Variants in SYNE1 observed in about 807,000 individuals in gnomAD.
SYNE1 encodes nesprin-1.
In SYNE1, 616 loss-of-function variants were observed where a neutral mutation model predicts 1,111.0. The ratio of observed to expected loss-of-function variants is 0.55; its 90% CI spans 0.52 to 0.59. The LOEUF is 0.59. SYNE1 is among the 20% of genes least tolerant of loss of function. SYNE1 has a pLI of 0.00. For synonymous variants in SYNE1, 3,855 were observed against 3,825.8 expected (o/e 1.01, Z -0.28); for missense variants, 10,006 against 10,417.0 (o/e 0.96, Z 1.72).
chr6:152,445,290 T>A (rs2098572336), intron 29 of SYNE1, among the ~76,000 whole-genome samples: 1 of 152,092 alleles, frequency 6.6e-6, no homozygotes, highest in African/African-American at 2.4e-5. Flanking sequence ...AAAGAGTATT[T>A]GTTATAAATG....
chr6:152,229,162 C>T (rs749404747), intron 115 of SYNE1, among the ~76,000 whole-genome samples: 2 of 151,950 alleles, frequency 1.3e-5, no homozygotes, highest in Non-Finnish European at 2.9e-5. Flanking sequence ...TTCTGAAACC[C>T]GAAATAGAAA....
At chr6:152,481,673 T>G (rs1445406578) in intron 14 of SYNE1, 2 of 388,862 alleles carry the variant, frequency 5.1e-6, no homozygotes, top group African/African-American at 4.2e-5. Context: ...AAAGATGTTA[T>G]TGTTTGTGTA....
At chr6:152,186,962 T>C (rs76086850) in intron 128 of SYNE1, among the ~76,000 whole-genome samples, 2,244 of 152,292 alleles carry the variant, frequency 0.015, 30 homozygotes, top group Non-Finnish European at 0.022. Context: ...CATTGCAAAA[T>C]TATAGGATGA....
intron 25 of SYNE1, among the ~76,000 whole-genome samples, chr6:152,452,539 T>G (rs1457319836): frequency 6.6e-6 from 1 of 152,222 alleles, no homozygotes; most frequent in Non-Finnish European, 1.5e-5. Context: ...GTTACTGAGA[T>G]CTTAAAAATA....
At chr6:152,302,180 G>C in intron 91 of SYNE1, 117 bp from the exon 92 acceptor site, 1 of 1,378,628 alleles carries the variant, frequency 7.3e-7, no homozygotes, top group Non-Finnish European at 1.0e-6. Flanking sequence ...GCGGGCCCGG[G>C]AGGCAGGATG....
At chr6:152,162,700 T>C (rs2062775664) in intron 131 of SYNE1, among the ~76,000 whole-genome samples, 1 of 152,152 alleles carries the variant, frequency 6.6e-6, no homozygotes, top group South Asian at 2.1e-4. Flanking sequence ...CAATGGAATA[T>C]AGTGTATGTT....
At chr6:152,253,665 A>G (rs2089947472) in intron 104 of SYNE1, among the ~76,000 whole-genome samples, 1 of 152,064 alleles carries the variant, frequency 6.6e-6, no homozygotes, top group Non-Finnish European at 1.5e-5. Context: ...AATATGAGAA[A>G]ATATTTTGTG....
At chr6:152,239,318 T>C (rs2153549579) in intron 108 of SYNE1, among the ~76,000 whole-genome samples, 1 of 152,260 alleles carries the variant, frequency 6.6e-6, no homozygotes, top group South Asian at 2.1e-4. Flanking sequence ...TCTATCTTAC[T>C]TTCGACATGG....
intron 120 of SYNE1, 110 bp from the exon 121 acceptor site, chr6:152,218,513 T>G: frequency 8.1e-7 from 1 of 1,237,702 alleles, no homozygotes; most frequent in Non-Finnish European, 1.2e-6. Context: ...TTCATATTCT[T>G]GTATCAAATT....
At chr6:152,239,239 T>C (rs535585170) in intron 108 of SYNE1, among the ~76,000 whole-genome samples, 45 of 152,038 alleles carry the variant, frequency 3.0e-4, no homozygotes, top group Non-Finnish European at 4.6e-4. Flanking sequence ...TTTCATACTC[T>C]TAAGTAAGCT....
Position 152,284,179 on chromosome 6 carries a change from G to A in SYNE1, c.18013-7C>T, listed in dbSNP as rs762497622. On this transcript the variant is annotated splice_polypyrimidine_tract_variant and splice_region_variant and intron_variant, in intron 95 of 145. Transcript: ENST00000367255. Reference sequence around the variant, plus strand: ...GAATCTCATCCATCAATGCCTGGAGGAAAGACTGTGGAATCACACTCATGT... The same window carrying A: ...GAATCTCATCCATCAATGCCTGGAGAAAAGACTGTGGAATCACACTCATGT... 1 of 1,613,972 alleles carries A rather than the reference G, an allele frequency of 6.2e-7. No homozygotes were observed. The highest frequency in any genetic ancestry group is 8.5e-7 in the Non-Finnish European group (1 of 1,179,970).
intron 128 of SYNE1, among the ~76,000 whole-genome samples, chr6:152,183,120 A>T (rs1457232422): frequency 6.6e-6 from 1 of 152,048 alleles, no homozygotes; most frequent in Non-Finnish European, 1.5e-5. Context: ...AGGACCCCTT[A>T]CCCCTCTAGC....
intron 2 of SYNE1, among the ~76,000 whole-genome samples, chr6:152,636,403 G>A (rs2099705972): frequency 6.6e-6 from 1 of 152,046 alleles, no homozygotes; most frequent in Admixed American, 6.6e-5. Context: ...GATATTAATA[G>A]GGACATCTAC....
At chr6:152,178,090 T>C (rs2066935799) in intron 129 of SYNE1, among the ~76,000 whole-genome samples, 1 of 152,170 alleles carries the variant, frequency 6.6e-6, no homozygotes, top group Non-Finnish European at 1.5e-5. Flanking sequence ...ATAGTTAACA[T>C]TTTAAATAAT....
chr6:152,508,834 A>G (rs910186646), intron 8 of SYNE1, among the ~76,000 whole-genome samples: 1 of 152,268 alleles, frequency 6.6e-6, no homozygotes, highest in Non-Finnish European at 1.5e-5. Flanking sequence ...TCATGAAAAC[A>G]TAGCCCAAAT....
intron 127 of SYNE1, among the ~76,000 whole-genome samples, chr6:152,198,146 T>A (rs565862006): frequency 6.6e-6 from 1 of 152,320 alleles, no homozygotes; most frequent in South Asian, 2.1e-4. Context: ...ATCTTCTGCA[T>A]AACTTACTGC....
At chr6:152,167,458 A>G (rs754027860) in intron 130 of SYNE1, among the ~76,000 whole-genome samples, 16 of 152,174 alleles carry the variant, frequency 1.1e-4, no homozygotes, top group Non-Finnish European at 2.1e-4. Context: ...AAAGAAAAAC[A>G]TATTAAAAAA....
intron 3 of SYNE1, among the ~76,000 whole-genome samples, chr6:152,601,150 G>C (rs2099595135): frequency 6.6e-6 from 1 of 152,178 alleles, no homozygotes; most frequent in South Asian, 2.1e-4. Context: ...TTTACACCAA[G>C]CTAGGGAGCA....
intron 56 of SYNE1, among the ~76,000 whole-genome samples, chr6:152,378,764 G>A (rs929489531): frequency 1.3e-5 from 2 of 152,014 alleles, no homozygotes; most frequent in Non-Finnish European, 2.9e-5. Flanking sequence ...CCACCTCTTC[G>A]GGTTTCTCAT....
Sources: gnomAD v4.1 joint callset for allele counts (sites outside exome capture counted in the v4.1 genomes callset) on GRCh38, gnomAD v4.1.1 for gene constraint, MANE v1.5 for transcripts, NCBI Gene and HGNC (gene_info 2026-07-23, HGNC 2026-07-21) for gene names.